EIF4E: variants seen among roughly 807,000 people sequenced by gnomAD.
EIF4E encodes eukaryotic translation initiation factor 4E, also known as eIF-4F 25 kDa subunit.
For missense variants in EIF4E, 113 were observed against 265.6 expected (o/e 0.43, Z 3.99); for synonymous variants, 71 against 88.5 (o/e 0.80, Z 1.11).
chr4:98,887,011 A>G lies in EIF4E; in HGVS notation c.399+68T>C, dbSNP rs577362699. On this transcript the variant is annotated intron_variant, in intron 5 of 6. Coordinates refer to ENST00000450253, the MANE Select transcript of EIF4E (RefSeq NM_001968.5). This position sits in a 1 kb window ranked among gnomAD's most constrained non-coding sequence, Gnocchi z 4.0. Reference sequence around the variant, plus strand: ...TTAAATTAAGTAACAAATGTAAAACATAACATATCTTAAGTATCAGTATTC... The same window carrying G: ...TTAAATTAAGTAACAAATGTAAAACGTAACATATCTTAAGTATCAGTATTC... The G allele has an allele frequency of 8.2e-6, 12 of 1,464,074 alleles. No individual in the cohort carries two copies. Among genetic ancestry groups the G allele is most frequent in the African/African-American group, 1.4e-5 (1 of 72,170 alleles). 90.7% of individuals were successfully genotyped at this position (1,464,074 alleles called of 1,614,324 possible).
chr4:98,888,965 C>A (rs1159303717), intron 3 of EIF4E, among the ~76,000 whole-genome samples: 1 of 151,966 alleles, frequency 6.6e-6, no homozygotes, highest in East Asian at 1.9e-4. Context: ...TCGAGACCAG[C>A]CTGACCAACA....
intron 1 of EIF4E, among the ~76,000 whole-genome samples, chr4:98,917,083 AACACACAC>A (rs751653561): frequency 9.5e-4 from 98 of 102,988 alleles, no homozygotes; most frequent in South Asian, 4.9e-3. Flanking sequence ...ACCTTTTCTA[AACACACAC>A]ACACACACAC....
intron 5 of EIF4E, among the ~76,000 whole-genome samples, chr4:98,885,450 G>T (rs1723876284): frequency 6.6e-6 from 1 of 151,624 alleles, no homozygotes; most frequent in Non-Finnish European, 1.5e-5. Context: ...CTGGTTTTTT[G>T]TTGTTGTTGT....
chr4:98,887,934 C>A lies in EIF4E; in HGVS notation c.240G>T (p.Gln80His). The A allele has an allele frequency of 6.2e-7, 1 of 1,612,464 alleles. No homozygotes were observed. The highest frequency in any genetic ancestry group is 8.5e-7 in the Non-Finnish European group (1 of 1,179,260). Residue 80 changes from glutamine to histidine, a missense_variant, in exon 4 of 7, where the codon CAG becomes CAT. Gln to His is a conservative substitution (Grantham distance 24). Transcript: ENST00000450253. This position sits in a 1 kb window ranked among gnomAD's most constrained non-coding sequence, Gnocchi z 4.0. ...EDFWALYNHI[Q>H]LSSNLMPGCD... ...AGCCAGGCATTAAATTACTAGACAA[C>A]TGGATATGGTTGTACAGACTAGGTA...
Position 98,891,310 on chromosome 4 carries a change from T to G in EIF4E, c.148A>C (p.Asn50His). The G allele has an allele frequency of 6.2e-7, 1 of 1,613,420 alleles. No individual in the cohort carries two copies. Among genetic ancestry groups the G allele is most frequent in the Non-Finnish European group, 8.5e-7 (1 of 1,179,968 alleles). ...GCTTGCCAAGTTTTGCTTTTATCAT[T>G]TTTAAAAAACCAGAGTGCCCATCTA... ...QNRWALWFFK[N>H]DKSKTWQANL... The change falls in exon 3 of 7, where the codon AAT becomes CAT. Residue 50 changes from asparagine to histidine, a missense_variant. Transcript: ENST00000450253.
chr4:98,892,498 G>A (rs6843279), intron 2 of EIF4E, among the ~76,000 whole-genome samples: 3,514 of 151,778 alleles, frequency 0.023, 121 homozygotes, highest in African/African-American at 0.081. Flanking sequence ...GGCCAACATG[G>A]TGAAACCTGG....
intron 3 of EIF4E, among the ~76,000 whole-genome samples, chr4:98,889,278 C>G (rs182139488): frequency 6.6e-6 from 1 of 152,084 alleles, no homozygotes; most frequent in East Asian, 1.9e-4. Flanking sequence ...TGAGTCACTA[C>G]CTAATGGTAA....
chr4:98,918,837 A>T (rs1408165169), intron 1 of EIF4E, among the ~76,000 whole-genome samples: 1 of 152,250 alleles, frequency 6.6e-6, no homozygotes, highest in Non-Finnish European at 1.5e-5. Context: ...ACTTTTTATA[A>T]ATATACATAT....
intron 1 of EIF4E, among the ~76,000 whole-genome samples, chr4:98,904,462 T>C (rs1222373746): frequency 1.3e-5 from 2 of 152,140 alleles, no homozygotes; most frequent in African/African-American, 4.8e-5. Flanking sequence ...CTGATTACTA[T>C]AGTCTTCATA....
chr4:98,885,404 T>C (rs976215722), intron 5 of EIF4E, among the ~76,000 whole-genome samples: 5 of 152,134 alleles, frequency 3.3e-5, no homozygotes, highest in African/African-American at 1.2e-4. Flanking sequence ...GTTAATCTCC[T>C]CTTGTTCTTA....
chr4:98,902,587 C>T (rs990306854), intron 1 of EIF4E, among the ~76,000 whole-genome samples: 1 of 151,906 alleles, frequency 6.6e-6, no homozygotes, highest in Non-Finnish European at 1.5e-5. Flanking sequence ...GACTATGCAA[C>T]AAAGTTGGGA....
chr4:98,883,633 G>A (rs1464689071), intron 6 of EIF4E, among the ~76,000 whole-genome samples: 1 of 151,690 alleles, frequency 6.6e-6, no homozygotes, highest in Non-Finnish European at 1.5e-5. Context: ...TCAATCTCCT[G>A]ACCTTGTGAT....
chr4:98,922,217 T>C (rs1215275282), intron 1 of EIF4E, among the ~76,000 whole-genome samples: 1 of 152,178 alleles, frequency 6.6e-6, no homozygotes, highest in Non-Finnish European at 1.5e-5. Context: ...CTGTGTGATT[T>C]TGGAGCAAGT....
intron 1 of EIF4E, among the ~76,000 whole-genome samples, chr4:98,904,963 A>G (rs1463728324): frequency 6.6e-6 from 1 of 152,106 alleles, no homozygotes; most frequent in Non-Finnish European, 1.5e-5. Flanking sequence ...TATTGGGCAT[A>G]GACAGTCATC....
chr4:98,911,375 G>A (rs1725123209), intron 1 of EIF4E, among the ~76,000 whole-genome samples: 1 of 148,592 alleles, frequency 6.7e-6, no homozygotes, highest in African/African-American at 2.4e-5. Flanking sequence ...AAGAGTTGTA[G>A]GAGGCTGGGA....
At chr4:98,898,291 T>C (rs1485443602) in intron 2 of EIF4E, among the ~76,000 whole-genome samples, 1 of 152,186 alleles carries the variant, frequency 6.6e-6, no homozygotes, top group Admixed American at 6.5e-5. Context: ...GAAACAGCTA[T>C]GAAAATCCAG....
At chr4:98,889,885 A>C (rs573808043) in intron 3 of EIF4E, among the ~76,000 whole-genome samples, 11 of 152,306 alleles carry the variant, frequency 7.2e-5, no homozygotes, top group Admixed American at 7.2e-4. Context: ...TGAATAAACA[A>C]AACTAGAGAA....
intron 3 of EIF4E, among the ~76,000 whole-genome samples, chr4:98,888,430 T>C (rs529973588): frequency 3.3e-5 from 5 of 152,298 alleles, no homozygotes; most frequent in East Asian, 1.9e-4. Context: ...AAGAGTAGAA[T>C]AGATCAACGG....
At chr4:98,929,023 G>A in intron 1 of EIF4E, 72 bp downstream of exon 1, 2 of 1,566,034 alleles carry the variant, frequency 1.3e-6, no homozygotes, top group Non-Finnish European at 1.7e-6. Flanking sequence ...ACGCCGTCCC[G>A]CGGAGTCCCC....
Sources: allele counts gnomAD v4.1 joint callset (sites outside exome capture counted in the v4.1 genomes callset), GRCh38; gene constraint gnomAD v4.1.1; non-coding constraint Gnocchi (gnomAD v3.1); transcripts MANE v1.5; gene names NCBI Gene and HGNC (gene_info 2026-07-23, HGNC 2026-07-21).